Variants in PCDHA11 observed in about 807,000 individuals in gnomAD.
PCDHA11 encodes the protein protocadherin alpha-11.
A neutral mutation model predicts 70.3 loss-of-function variants in PCDHA11; 61 were observed. That is an observed-to-expected ratio of 0.87 (90% CI 0.71 to 1.07). PCDHA11 has a LOEUF of 1.07. Ranked by LOEUF, PCDHA11 falls within the 50% of genes least tolerant of loss-of-function variation. PCDHA11 has a pLI of 0.00. For missense variants in PCDHA11, 1,324 were observed against 1,237.5 expected (o/e 1.07, Z -1.05); for synonymous variants, 633 against 555.1 (o/e 1.14, Z -1.97).
intron 1 of PCDHA11, among the ~76,000 whole-genome samples, chr5:140,888,588 C>G (rs1419931317): frequency 6.6e-6 from 1 of 152,212 alleles, no homozygotes; most frequent in Non-Finnish European, 1.5e-5. Flanking sequence ...TGTTAGTACA[C>G]ATTCAGAGCA....
rs2091506714 is a variant in PCDHA11, at chr5:140,937,376, G to C, written c.2392-41573G>C. Reference sequence around the variant, plus strand: ...TATTATTTTATCTTAATGTTTATGTGTGTGTATGTGTATATAGGGGTATTG... The same window carrying C: ...TATTATTTTATCTTAATGTTTATGTCTGTGTATGTGTATATAGGGGTATTG... On this transcript the variant is annotated intron_variant, in intron 1 of 3. Coordinates refer to ENST00000398640, the MANE Select transcript of PCDHA11 (RefSeq NM_018902.5). Among the ~76,000 whole-genome samples, 4 of 152,084 alleles carry C rather than the reference G, an allele frequency of 2.6e-5. No homozygotes were observed. In the South Asian group the frequency reaches 8.3e-4, roughly 32 times the overall value.
At chr5:140,884,307 C>G (rs144612735) in intron 1 of PCDHA11, 1 of 1,613,724 alleles carries the variant, frequency 6.2e-7, no homozygotes. Context: ...CAGGCTTCGT[C>G]GAGGGCGTCG....
At chr5:140,994,636 T>C (rs1243732393) in intron 3 of PCDHA11, among the ~76,000 whole-genome samples, 1 of 151,996 alleles carries the variant, frequency 6.6e-6, no homozygotes, top group Admixed American at 6.6e-5. Flanking sequence ...ACCTGGAAGG[T>C]GGAGGTTGCA....
chr5:140,871,080 G>T lies in PCDHA11; in HGVS notation c.1977G>T (p.Thr659=), dbSNP rs1554165086. Residue 659 remains threonine, a synonymous_variant, in exon 1 of 4, where the codon ACG becomes ACT. Coordinates refer to ENST00000398640, the MANE Select transcript of PCDHA11 (RefSeq NM_018902.5). ...AGGATCACGGTGAGCCGGCGCTGAC[G>T]GCCACGGCCACCGTGCTGGTGTCGT... ...LVKDHGEPAL[T]ATATVLVSLV... 1.2e-6 allele frequency: 2 copies of T among 1,613,094 alleles called. No homozygotes were observed. Among genetic ancestry groups the T allele is most frequent in the Admixed American group, 1.7e-5 (1 of 60,000 alleles).
chr5:140,883,640 C>T (rs143631680), intron 1 of PCDHA11: 5 of 1,613,958 alleles, frequency 3.1e-6, no homozygotes, highest in Non-Finnish European at 4.2e-6. Context: ...GTTCGCGCAG[C>T]CCGAGTACAC....
At chr5:141,007,970 T>C (rs986378123) in intron 3 of PCDHA11, among the ~76,000 whole-genome samples, 3 of 152,248 alleles carry the variant, frequency 2.0e-5, no homozygotes, top group Admixed American at 6.5e-5. Flanking sequence ...TCTGGGTGTC[T>C]GTCATGTATA....
At chr5:140,884,254 G>A (rs1554181387) in intron 1 of PCDHA11, 2 of 1,613,406 alleles carry the variant, frequency 1.2e-6, no homozygotes, top group Admixed American at 1.7e-5. Flanking sequence ...TGACGGCCAC[G>A]GCAACGGTGC....
intron 1 of PCDHA11, among the ~76,000 whole-genome samples, chr5:140,919,430 T>C (rs935963449): frequency 1.3e-5 from 2 of 152,196 alleles, no homozygotes; most frequent in Non-Finnish European, 2.9e-5. Flanking sequence ...TGCCTTTTGA[T>C]TGGGTTCTTT....
intron 1 of PCDHA11, among the ~76,000 whole-genome samples, chr5:140,916,824 T>C (rs1207821220): frequency 6.6e-6 from 1 of 152,124 alleles, no homozygotes; most frequent in Non-Finnish European, 1.5e-5. Context: ...GCCACCCCTA[T>C]CCCTCTGGTT....
At chr5:141,004,449 A>G (rs2098166973) in intron 3 of PCDHA11, among the ~76,000 whole-genome samples, 1 of 152,180 alleles carries the variant, frequency 6.6e-6, no homozygotes. Flanking sequence ...GTCATATAGA[A>G]CCAGGAAGCT....
intron 1 of PCDHA11, chr5:140,877,012 A>G: frequency 6.2e-7 from 1 of 1,612,352 alleles, no homozygotes; most frequent in Non-Finnish European, 8.5e-7. Flanking sequence ...GCACGCGGAG[A>G]GCGGCAAGGT....
chr5:141,007,812 G>C (rs1446053616), intron 3 of PCDHA11, among the ~76,000 whole-genome samples: 2 of 152,078 alleles, frequency 1.3e-5, no homozygotes, highest in Non-Finnish European at 2.9e-5. Context: ...CCATTCATTT[G>C]CCTTCCCCCA....
chr5:140,899,654 G>C (rs1429177993), intron 1 of PCDHA11, among the ~76,000 whole-genome samples: 1 of 152,158 alleles, frequency 6.6e-6, no homozygotes, highest in African/African-American at 2.4e-5. Context: ...ATTTGGTTGT[G>C]TCTCTGCCCG....
At chr5:140,884,188 G>C in intron 1 of PCDHA11, 1 of 1,613,436 alleles carries the variant, frequency 6.2e-7, no homozygotes, top group Middle Eastern at 1.7e-4. Flanking sequence ...TGGACGAGGT[G>C]GACGCGCCGC....
intron 1 of PCDHA11, among the ~76,000 whole-genome samples, chr5:140,891,369 A>G (rs13168533): frequency 0.051 from 7,710 of 152,068 alleles, 281 homozygotes; most frequent in Non-Finnish European, 0.073. Context: ...AGCAGTATAC[A>G]TTGCACCATA....
At chr5:140,964,844 A>G (rs2095857701) in intron 1 of PCDHA11, among the ~76,000 whole-genome samples, 1 of 152,160 alleles carries the variant, frequency 6.6e-6, no homozygotes, top group Admixed American at 6.5e-5. Flanking sequence ...CCTACTCTGT[A>G]CCCTTGAGGA....
chr5:140,981,687 ATCAT>A (rs200213847), intron 2 of PCDHA11, among the ~76,000 whole-genome samples: 197 of 152,078 alleles, frequency 1.3e-3, no homozygotes, highest in African/African-American at 4.2e-3. Context: ...CCTCCCTTCC[ATCAT>A]TCATTCATTC....
rs546684407 is a variant in PCDHA11 at position 140,870,806 on chromosome 5, A to G, written c.1703A>G (p.Gln568Arg). 6.2e-6 allele frequency: 10 copies of G among 1,613,688 alleles called. No individual in the cohort carries two copies. In the Admixed American group the frequency reaches 1.7e-4, roughly 27 times the overall value. ...AACGCGCCGGCACTGCTGGCGACTC[A>G]GGCTGGCAGCGCGGGAGGCGCAGTT... is the stretch of plus-strand genomic sequence containing the variant. Reference protein sequence around the residue: ...NDNAPALLATQAGSAGGAVNK... With the variant: ...NDNAPALLATRAGSAGGAVNK... The change falls in exon 1 of 4, where the codon CAG (glutamine) becomes CGG (arginine). Residue 568 changes from glutamine to arginine, a missense_variant. Transcript: ENST00000398640.
In PCDHA11 at chr5:140,882,894, G is replaced by A. The variant is rs1554176001; in HGVS notation, c.2391+11400G>A. The A allele has an allele frequency of 5.6e-6, 9 of 1,614,190 alleles. No homozygotes were observed. The East Asian group carries it at 1.3e-4, about 24-fold the overall frequency. The stretch of plus-strand genomic sequence containing the variant: ...GACAGAGAGGAAATTCAGGAACATA[G>A]TTTATTACTGACAGCCAGTGATGGA... On this transcript the variant is annotated intron_variant, in intron 1 of 3. Coordinates refer to ENST00000398640, the MANE Select transcript of PCDHA11 (RefSeq NM_018902.5).
Sources: gnomAD v4.1 joint callset for allele counts (sites outside exome capture counted in the v4.1 genomes callset) on GRCh38, gnomAD v4.1.1 for gene constraint, MANE v1.5 for transcripts, NCBI Gene and HGNC (gene_info 2026-07-23, HGNC 2026-07-21) for gene names.